NFATC2: variants seen among roughly 807,000 people sequenced by gnomAD.
NFATC2 encodes the protein nuclear factor of activated T cells 2, also known as nuclear factor of activated T-cells, cytoplasmic 2.
A neutral mutation model predicts 87.3 loss-of-function variants in NFATC2; 22 were observed. The ratio of observed to expected loss-of-function variants is 0.25; its 90% CI spans 0.18 to 0.36. The LOEUF (loss-of-function observed/expected upper bound fraction) is 0.36, where lower values mean the gene tolerates loss of function less well. Ranked by LOEUF, NFATC2 falls within the 10% of genes least tolerant of loss-of-function variation. NFATC2 has a pLI of 1.00. For missense variants in NFATC2, 1,149 were observed against 1,259.1 expected (o/e 0.91, Z 1.32); for synonymous variants, 565 against 542.2 (o/e 1.04, Z -0.58).
At chr20:51,442,356 C>T (rs910704088) in intron 6 of NFATC2, among the ~76,000 whole-genome samples, 19 of 152,052 alleles carry the variant, frequency 1.2e-4, no homozygotes, top group East Asian at 3.9e-4. Context: ...CACTTGAATC[C>T]GGGAGGTAGA....
intron 1 of NFATC2, among the ~76,000 whole-genome samples, chr20:51,549,144 G>A (rs955854016): frequency 5.3e-5 from 8 of 151,936 alleles, no homozygotes; most frequent in Admixed American, 4.6e-4. Flanking sequence ...CTTCAGCCTA[G>A]GCAACACAGC....
intron 5 of NFATC2, among the ~76,000 whole-genome samples, chr20:51,458,858 G>T (rs1363657447): frequency 3.3e-5 from 5 of 152,064 alleles, no homozygotes; most frequent in African/African-American, 1.2e-4. Flanking sequence ...CCACAGCCAG[G>T]TTTTATCTGT....
chr20:51,464,209 C>T (rs892273209), intron 5 of NFATC2, among the ~76,000 whole-genome samples: 4 of 152,172 alleles, frequency 2.6e-5, no homozygotes, highest in African/African-American at 9.7e-5. Context: ...GCAGGCAAGA[C>T]AATGAGATCC....
At chr20:51,466,422 C>A (rs1160058524) in intron 5 of NFATC2, among the ~76,000 whole-genome samples, 1 of 152,048 alleles carries the variant, frequency 6.6e-6, no homozygotes, top group Non-Finnish European at 1.5e-5. Flanking sequence ...GCCAGCTAGA[C>A]CCAGGAGAGT....
chr20:51,422,421 G>A (rs1046016265), intron 9 of NFATC2, among the ~76,000 whole-genome samples: 1 of 152,074 alleles, frequency 6.6e-6, no homozygotes, highest in Non-Finnish European at 1.5e-5. Flanking sequence ...TGACACTCTG[G>A]ATGGGCAAAA....
chr20:51,407,757 C>T (rs570507016), intron 9 of NFATC2, among the ~76,000 whole-genome samples: 1 of 152,336 alleles, frequency 6.6e-6, no homozygotes, highest in East Asian at 1.9e-4. Flanking sequence ...GCTGAGCAGA[C>T]GGGGTCAGGA....
In NFATC2 at chr20:51,562,449, C is replaced by T. The variant is rs1231213109; in HGVS notation, c.70+111G>A. 9.8e-7 allele frequency: 1 copy of T among 1,015,716 alleles called. No homozygotes were observed. Among genetic ancestry groups the T allele is most frequent in the Non-Finnish European group, 1.5e-6 (1 of 685,846 alleles). The allele number at this position is 1,015,716 out of a possible 1,614,324, so 62.9% of individuals were successfully genotyped here. ...CCGAGGGCGAGCGGGGTCCCCAGGCCTCCCGCACCGACCTCTGCCGGGAGC... is the reference window on the plus strand; with the variant it reads ...CCGAGGGCGAGCGGGGTCCCCAGGCTTCCCGCACCGACCTCTGCCGGGAGC... On this transcript the variant is annotated intron_variant, in intron 1 of 10. Transcript: ENST00000414705. This position sits in a 1 kb window ranked among gnomAD's most constrained non-coding sequence, Gnocchi z 5.8.
At chr20:51,396,330 A>G (rs1038760354) in intron 10 of NFATC2, among the ~76,000 whole-genome samples, 15 of 151,994 alleles carry the variant, frequency 9.9e-5, no homozygotes, top group Non-Finnish European at 1.9e-4. Flanking sequence ...TTGCAGCAGG[A>G]TGGCTGCTCA....
At chr20:51,506,490 C>T (rs2076182623) in intron 3 of NFATC2, among the ~76,000 whole-genome samples, 1 of 151,572 alleles carries the variant, frequency 6.6e-6, no homozygotes, top group Non-Finnish European at 1.5e-5. Flanking sequence ...CCCCGTGTTC[C>T]TCCCCACCCA....
chr20:51,543,135 G>T (rs1342896473), upstream of NFATC2, among the ~76,000 whole-genome samples: 1 of 152,176 alleles, frequency 6.6e-6, no homozygotes, highest in Non-Finnish European at 1.5e-5. Flanking sequence ...GCCCACGGGG[G>T]CGGCATGATT....
chr20:51,405,378 A>G (rs2146254721), intron 9 of NFATC2, among the ~76,000 whole-genome samples: 1 of 152,230 alleles, frequency 6.6e-6, no homozygotes, highest in African/African-American at 2.4e-5. Flanking sequence ...AGGCAAACAC[A>G]TTCACCTCGA....
intron 6 of NFATC2, chr20:51,453,052 C>A: frequency 6.5e-6 from 1 of 154,860 alleles, no homozygotes; most frequent in Non-Finnish European, 1.5e-5. Flanking sequence ...CCACTCCCGA[C>A]CCATCCCTGC....
intron 1 of NFATC2, among the ~76,000 whole-genome samples, chr20:51,557,763 T>C (rs1017692785): frequency 2.0e-5 from 3 of 152,208 alleles, no homozygotes; most frequent in Admixed American, 2.0e-4. Context: ...CCTAACTCAT[T>C]CATTCATCCA....
intron 9 of NFATC2, among the ~76,000 whole-genome samples, chr20:51,424,137 C>T (rs1225581412): frequency 2.0e-5 from 3 of 152,206 alleles, no homozygotes; most frequent in Non-Finnish European, 4.4e-5. Flanking sequence ...CAGAGAACGG[C>T]TACCAGCTCA....
chr20:51,475,432 C>T (rs775869353), intron 4 of NFATC2, 26 bp downstream of exon 4: 47 of 1,611,962 alleles, frequency 2.9e-5, no homozygotes, highest in East Asian at 6.7e-5. Context: ...CATGAAGACC[C>T]GCCGCCCTCA....
intron 9 of NFATC2, among the ~76,000 whole-genome samples, chr20:51,400,033 C>T (rs1987827029): frequency 6.6e-6 from 1 of 151,924 alleles, no homozygotes; most frequent in African/African-American, 2.4e-5. Flanking sequence ...CACATTCTCT[C>T]TTTCCAGTTG....
At chr20:51,488,761 C>T (rs772675147) in intron 3 of NFATC2, among the ~76,000 whole-genome samples, 2 of 152,200 alleles carry the variant, frequency 1.3e-5, no homozygotes, top group Non-Finnish European at 2.9e-5. Flanking sequence ...TCCAGCCTCT[C>T]GCTAATTTCT....
chr20:51,496,300 T>C (rs1159971776), intron 3 of NFATC2, among the ~76,000 whole-genome samples: 2 of 152,190 alleles, frequency 1.3e-5, no homozygotes, highest in African/African-American at 4.8e-5. Flanking sequence ...TGTCAGCTGC[T>C]GCTTAAAGCC....
At chr20:51,497,873 C>T (rs116263682) in intron 3 of NFATC2, among the ~76,000 whole-genome samples, 1,585 of 152,220 alleles carry the variant, frequency 0.01, 23 homozygotes, top group African/African-American at 0.036. Flanking sequence ...GTTAGATACA[C>T]GCAAAGCTGC....
Sources: allele counts gnomAD v4.1 joint callset (sites outside exome capture counted in the v4.1 genomes callset), GRCh38; gene constraint gnomAD v4.1.1; non-coding constraint Gnocchi (gnomAD v3.1); transcripts MANE v1.5; gene names NCBI Gene and HGNC (gene_info 2026-07-23, HGNC 2026-07-21).